WWOX: variants seen among roughly 807,000 people sequenced by gnomAD.
WWOX encodes WW domain-containing oxidoreductase.
WWOX carries 69 observed loss-of-function variants against 46.2 expected under a neutral mutation model. That is an observed-to-expected ratio of 1.49 (90% CI 1.23 to 1.82). The LOEUF (loss-of-function observed/expected upper bound fraction) is 1.82. WWOX is among the 40% of genes most tolerant of loss of function. The pLI is 0.00. For synonymous variants in WWOX, 359 were observed against 202.6 expected (o/e 1.77, Z -6.56); for missense variants, 919 against 542.6 (o/e 1.69, Z -6.89).
At chr16:79,210,619 CATAA>C (rs1229991824) in intron 8 of WWOX, among the ~76,000 whole-genome samples, 6 of 152,178 alleles carry the variant, frequency 3.9e-5, no homozygotes, top group South Asian at 2.1e-4. Context: ...CTCTGAAACA[CATAA>C]ATAATCATAA....
chr16:78,125,064 A>G (rs1017308664), intron 4 of WWOX, among the ~76,000 whole-genome samples: 1 of 152,178 alleles, frequency 6.6e-6, no homozygotes, highest in Non-Finnish European at 1.5e-5. Flanking sequence ...AGCTAATACA[A>G]TGTTTTTCAT....
intron 8 of WWOX, among the ~76,000 whole-genome samples, chr16:78,867,839 A>G (rs2044040002): frequency 6.6e-6 from 1 of 152,150 alleles, no homozygotes; most frequent in East Asian, 1.9e-4. Flanking sequence ...CTAGCCCCAG[A>G]CCATGACATG....
chr16:78,506,721 T>TACAGAG (rs2085215675), intron 8 of WWOX, among the ~76,000 whole-genome samples: 1 of 78,584 alleles, frequency 1.3e-5, no homozygotes, highest in African/African-American at 4.5e-5. Context: ...TTTTTTTTTT[T>TACAGAG]TTTTTTTGTA....
intron 8 of WWOX, among the ~76,000 whole-genome samples, chr16:78,822,031 C>T (rs1409681784): frequency 6.6e-6 from 1 of 152,154 alleles, no homozygotes; most frequent in Admixed American, 6.5e-5. Flanking sequence ...CATGCACCAC[C>T]ATGCCCAGCT....
Position 78,940,779 on chromosome 16 carries a change from T to C in WWOX, c.1057-270829T>C, listed in dbSNP as rs947367579. ...CATGACGTCAAGTCCCTGTTTGTTATCTTATTGTCCTCTTATCCTGGTCCT... is the reference window on the plus strand; with the variant it reads ...CATGACGTCAAGTCCCTGTTTGTTACCTTATTGTCCTCTTATCCTGGTCCT... On this transcript the variant is annotated intron_variant, in intron 8 of 8. Coordinates refer to ENST00000566780, the MANE Select transcript of WWOX (RefSeq NM_016373.4). Among the ~76,000 whole-genome samples the C allele has an allele frequency of 2.6e-5, 4 of 151,974 alleles. No homozygotes were observed. In the South Asian group the frequency reaches 8.3e-4, roughly 32 times the overall value.
chr16:79,104,916 G>A (rs551223260), intron 8 of WWOX, among the ~76,000 whole-genome samples: 55 of 152,288 alleles, frequency 3.6e-4, no homozygotes, highest in African/African-American at 1.3e-3. Flanking sequence ...TCTGCGCCTG[G>A]CTAATTACTC....
At chr16:78,701,527 T>A (rs2048217491) in intron 8 of WWOX, among the ~76,000 whole-genome samples, 1 of 152,090 alleles carries the variant, frequency 6.6e-6, no homozygotes, top group Non-Finnish European at 1.5e-5. Flanking sequence ...TCTACCTGTC[T>A]CTACTCCCTC....
intron 8 of WWOX, among the ~76,000 whole-genome samples, chr16:78,958,916 G>A (rs1013937248): frequency 1.2e-4 from 18 of 152,166 alleles, no homozygotes; most frequent in African/African-American, 4.3e-4. Flanking sequence ...TAGCTTAGTG[G>A]GGAGAGATTT....
chr16:78,761,044 A>G (rs191109847), intron 8 of WWOX, among the ~76,000 whole-genome samples: 45 of 152,226 alleles, frequency 3.0e-4, no homozygotes, highest in African/African-American at 9.1e-4. Context: ...ATCTCCTACC[A>G]GGCCCCTCCT....
chr16:79,015,074 G>T (rs374029049), intron 8 of WWOX, among the ~76,000 whole-genome samples: 32 of 152,296 alleles, frequency 2.1e-4, no homozygotes, highest in African/African-American at 7.5e-4. Flanking sequence ...CTGAACCTCT[G>T]TCTTTCAAAT....
intron 5 of WWOX, among the ~76,000 whole-genome samples, chr16:78,345,629 G>A (rs2081082239): frequency 1.6e-5 from 1 of 61,060 alleles, no homozygotes. Context: ...GGCAGAGCAA[G>A]ACCCTGTCTC....
intron 5 of WWOX, among the ~76,000 whole-genome samples, chr16:78,208,476 A>G (rs1266230775): frequency 6.6e-6 from 1 of 152,206 alleles, no homozygotes. Flanking sequence ...AAATCTCATA[A>G]AAACCTGTTA....
At chr16:78,682,689 T>C (rs563900112) in intron 8 of WWOX, among the ~76,000 whole-genome samples, 2 of 152,196 alleles carry the variant, frequency 1.3e-5, no homozygotes, top group African/African-American at 4.8e-5. Context: ...GCCTGGGAAA[T>C]ATAGCAAGAT....
chr16:78,596,856 T>C (rs2151610896), intron 8 of WWOX, among the ~76,000 whole-genome samples: 1 of 152,240 alleles, frequency 6.6e-6, no homozygotes, highest in Non-Finnish European at 1.5e-5. Flanking sequence ...GGGGCTGGCT[T>C]TGAGGGTTGG....
intron 5 of WWOX, among the ~76,000 whole-genome samples, chr16:78,296,431 T>C (rs139376318): frequency 6.6e-6 from 1 of 152,010 alleles, no homozygotes; most frequent in African/African-American, 2.4e-5. Context: ...TCATGGTTTA[T>C]AGCATTTATA....
At chr16:78,363,416 G>C (rs1362046034) in intron 5 of WWOX, among the ~76,000 whole-genome samples, 1 of 147,468 alleles carries the variant, frequency 6.8e-6, no homozygotes, top group Non-Finnish European at 1.5e-5. Flanking sequence ...TGGGACCACA[G>C]GTGCACACCA....
intron 8 of WWOX, among the ~76,000 whole-genome samples, chr16:78,719,768 T>A (rs990483389): frequency 6.6e-6 from 1 of 152,216 alleles, no homozygotes; most frequent in African/African-American, 2.4e-5. Flanking sequence ...AAGTTAAGAA[T>A]GAATTTGTAA....
At chr16:78,714,771 A>C (rs1305822197) in intron 8 of WWOX, among the ~76,000 whole-genome samples, 1 of 152,184 alleles carries the variant, frequency 6.6e-6, no homozygotes, top group Non-Finnish European at 1.5e-5. Flanking sequence ...AGAGGTGTGC[A>C]TGGGTCTGAT....
intron 8 of WWOX, among the ~76,000 whole-genome samples, chr16:78,643,246 A>G (rs1032869646): frequency 6.6e-6 from 1 of 152,244 alleles, no homozygotes; most frequent in Non-Finnish European, 1.5e-5. Context: ...GAAAACATGA[A>G]TAATTATCAT....
Sources: allele counts gnomAD v4.1 joint callset (sites outside exome capture counted in the v4.1 genomes callset), GRCh38; gene constraint gnomAD v4.1.1; transcripts MANE v1.5; gene names NCBI Gene and HGNC (gene_info 2026-07-23, HGNC 2026-07-21).